SLC22A7: variants seen among roughly 807,000 people sequenced by gnomAD.
The protein encoded by SLC22A7 is hOAT2.
In SLC22A7, 48 loss-of-function variants were observed where a neutral mutation model predicts 62.2. The ratio of observed to expected loss-of-function variants is 0.77; its 90% CI spans 0.61 to 0.98. SLC22A7 has a LOEUF of 0.98. SLC22A7 is among the 50% of genes least tolerant of loss of function. The pLI, the probability that SLC22A7 is intolerant of heterozygous loss-of-function variation, is 0.00. For synonymous variants in SLC22A7, 276 were observed against 314.8 expected (o/e 0.88, Z 1.30); for missense variants, 581 against 703.8 (o/e 0.83, Z 1.97).
Position 43,302,630 on chromosome 6 carries a change from A to G in SLC22A7, c.1277-25A>G. Reference sequence around the variant, plus strand: ...CCTGGCTCTCCTCCAAGGCCCTCTCACTACCTGAACCCGCTTCCCTCCAGA... The same window carrying G: ...CCTGGCTCTCCTCCAAGGCCCTCTCGCTACCTGAACCCGCTTCCCTCCAGA... On this transcript the variant is annotated intron_variant, in intron 8 of 10. Coordinates refer to ENST00000372585, the MANE Select transcript of SLC22A7 (RefSeq NM_153320.2). This position sits in a 1 kb window ranked among gnomAD's most constrained non-coding sequence, Gnocchi z 5.0. 6.5e-7 allele frequency: 1 copy of G among 1,547,900 alleles called. No individual in the cohort carries two copies. Among genetic ancestry groups the G allele is most frequent in the Non-Finnish European group, 8.8e-7 (1 of 1,131,242 alleles).
rs1347202040 is a variant in SLC22A7, at chr6:43,299,807, A to AC, written c.658+28dup. ...GTGAGGCAGGCAAGAAACAGGCAGG[A>AC]CCTAGAGGGCTGGAAGAAGGCAGTT... On this transcript the variant is annotated intron_variant, in intron 4 of 10. Coordinates refer to ENST00000372585, the MANE Select transcript of SLC22A7 (RefSeq NM_153320.2). This position sits in a 1 kb window ranked among gnomAD's most constrained non-coding sequence, Gnocchi z 4.4. The AC allele has an allele frequency of 1.2e-6, 2 of 1,614,156 alleles. No homozygotes were observed. The highest frequency in any genetic ancestry group is 1.7e-6 in the Non-Finnish European group (2 of 1,180,020).
chr6:43,301,038 G>A (rs1381183850), intron 5 of SLC22A7, 97 bp from the exon 6 acceptor site: 27 of 1,503,802 alleles, frequency 1.8e-5, no homozygotes, highest in Non-Finnish European at 2.4e-5. Flanking sequence ...GGGACTACAT[G>A]AGCAAGAGCC....
At position 43,301,678 on chromosome 6, in the gene SLC22A7, C is replaced by A; in HGVS notation, c.1047C>A (p.Cys349Ter). ...CACGGCTCCGACACATCTCACTGTGCTGCGTGGTGGTGTGGTGAGGAGGCT... is the reference window on the plus strand; with the variant it reads ...CACGGCTCCGACACATCTCACTGTGATGCGTGGTGGTGTGGTGAGGAGGCT... ...RTPRLRHISL[C>*]CVVVWFGVNF... The change falls in exon 7 of 11, where the codon TGC becomes TGA. Residue 349 changes from cysteine (C) to a stop codon, truncating the protein, a stop_gained. Transcript: ENST00000372585. LOFTEE classifies it high-confidence loss of function. 6.2e-7 allele frequency: 1 copy of A among 1,611,750 alleles called. No individual in the cohort carries two copies. The highest frequency in any genetic ancestry group is 8.5e-7 in the Non-Finnish European group (1 of 1,178,414).
chr6:43,302,595 C>G lies in SLC22A7; in HGVS notation c.1277-60C>G. The G allele has an allele frequency of 7.4e-7, 1 of 1,359,338 alleles. No individual in the cohort carries two copies. The allele number at this position is 1,359,338 out of a possible 1,614,324, so 84.2% of individuals were successfully genotyped here. A position where few individuals can be genotyped will look rare whatever the true frequency, so the allele number is the denominator to read the frequency against. ...CCACTCTGGAGACTCCGCACCCTATCCAGAACACCCCTGGCTCTCCTCCAA... is the reference window on the plus strand; with the variant it reads ...CCACTCTGGAGACTCCGCACCCTATGCAGAACACCCCTGGCTCTCCTCCAA... On this transcript the variant is annotated intron_variant, in intron 8 of 10. Transcript: ENST00000372585. The surrounding 1 kb of genome is among the most constrained non-coding windows in gnomAD (Gnocchi z 5.0).
Position 43,298,671 on chromosome 6 carries a change from G to A in SLC22A7, c.313G>A (p.Glu105Lys). ...AGAAAGGCAGAGCCGTGGGGAGCTG[G>A]AGGATGAACCTGCCACAGTGCCCTG... is the stretch of plus-strand genomic sequence containing the variant. Reference protein sequence around the residue: ...GEERQSRGELEDEPATVPCSQ... With the variant: ...GEERQSRGELKDEPATVPCSQ... The change falls in exon 1 of 11, where the codon GAG becomes AAG. Residue 105 changes from glutamate (E) to lysine (K), a missense_variant. Glu to Lys is a moderately conservative substitution (Grantham distance 56). Coordinates refer to ENST00000372585, the MANE Select transcript of SLC22A7 (RefSeq NM_153320.2). 1.9e-6 allele frequency: 3 copies of A among 1,563,224 alleles called. No individual in the cohort carries two copies. Among genetic ancestry groups the A allele is most frequent in the Non-Finnish European group, 1.7e-6 (2 of 1,152,694 alleles).
rs546616681 is a variant in SLC22A7 at position 43,300,579 on chromosome 6, T to C, written c.827+513T>C. Among the ~76,000 whole-genome samples, 97 of 152,250 alleles carry C rather than the reference T, an allele frequency of 6.4e-4. 3 individuals are homozygous for C. In the South Asian group the frequency reaches 0.02, roughly 31 times the overall value. On this transcript the variant is annotated intron_variant, in intron 5 of 10. Transcript: ENST00000372585. ...AGGACAATTCAGTTGAATAAGGGACTCCCAGGCTATGGAGGACCTGGGCCT... is the reference window on the plus strand; with the variant it reads ...AGGACAATTCAGTTGAATAAGGGACCCCCAGGCTATGGAGGACCTGGGCCT...
At chr6:43,304,475 C>T (rs1276767806) in intron 10 of SLC22A7, 196 bp from the exon 11 acceptor site, 65 of 592,832 alleles carry the variant, frequency 1.1e-4, no homozygotes, top group Non-Finnish European at 3.0e-6. Flanking sequence ...TAAGGTTGTT[C>T]AGGAAGATGT....
chr6:43,304,126 T>C lies in SLC22A7; in HGVS notation c.1474T>C (p.Ser492Pro). 6.2e-7 allele frequency: 1 copy of C among 1,608,478 alleles called. No homozygotes were observed. Among genetic ancestry groups the C allele is most frequent in the Non-Finnish European group, 8.5e-7 (1 of 1,176,750 alleles). Residue 492 changes from serine to proline, a missense_variant, in exon 10 of 11, where the codon TCA becomes CCA. Ser to Pro is a moderately conservative substitution (Grantham distance 74, BLOSUM62 -1). Transcript: ENST00000372585. ...GGCCTTGCTGGATGGAGTGTGGCTG[T>C]CACTGCCCAAGCTTACTTATGGGGG... The part of the protein sequence containing the change: ...LAALLDGVWL[S>P]LPKLTYGGIA...
chr6:43,299,823 G>T lies in SLC22A7; in HGVS notation c.658+42G>T, dbSNP rs1443824898. The T allele has an allele frequency of 6.2e-7, 1 of 1,614,224 alleles. No individual in the cohort carries two copies. The highest frequency in any genetic ancestry group is 1.7e-5 in the Admixed American group (1 of 60,028). On this transcript the variant is annotated intron_variant, in intron 4 of 10. Transcript: ENST00000372585. This position sits in a 1 kb window ranked among gnomAD's most constrained non-coding sequence, Gnocchi z 4.4. The stretch of plus-strand genomic sequence containing the variant: ...ACAGGCAGGACCTAGAGGGCTGGAA[G>T]AAGGCAGTTGTCAGAGTGAGGCTGA...
In SLC22A7 at chr6:43,304,742, G is replaced by A. The variant is rs1298515521; in HGVS notation, c.*17G>A. ...CAGAACTAAGTGGGAGTGGAGGCAG[G>A]CCCTCCACAGAAGCTCTGCAGCAGG... On this transcript the variant is annotated 3_prime_UTR_variant, in exon 11 of 11. Transcript: ENST00000372585. 2.6e-6 allele frequency: 4 copies of A among 1,545,236 alleles called. No individual in the cohort carries two copies. In the African/African-American group the frequency reaches 4.1e-5, roughly 16 times the overall value.
In SLC22A7 at chr6:43,302,982, C is replaced by A; in HGVS notation, c.1385+219C>A. The A allele has an allele frequency of 2.6e-6, 1 of 389,654 alleles. No individual in the cohort carries two copies. Among genetic ancestry groups the A allele is most frequent in the African/African-American group, 2.2e-5 (1 of 45,672 alleles). The allele number at this position is 389,654 out of a possible 1,614,324, so 24.1% of individuals were successfully genotyped here. On this transcript the variant is annotated intron_variant, in intron 9 of 10. Transcript: ENST00000372585. The surrounding 1 kb of genome is among the most constrained non-coding windows in gnomAD (Gnocchi z 5.0). ...TCAGCCTCCAAAAGTGCTCGTATTA[C>A]AGGCACTATTACAGGCATGAGCCAC...
intron 1 of SLC22A7, 139 bp from the exon 2 acceptor site, chr6:43,298,952 AT>A: frequency 1.8e-6 from 2 of 1,134,580 alleles, no homozygotes; most frequent in Non-Finnish European, 2.5e-6. Flanking sequence ...TGTTATCATC[AT>A]CATTAATTGG....
In SLC22A7 at chr6:43,298,385, G is replaced by T. The variant is rs776393343; in HGVS notation, c.27G>T (p.Gln9His). 1 of 1,613,218 alleles carries T rather than the reference G, an allele frequency of 6.2e-7. No homozygotes were observed. Among genetic ancestry groups the T allele is most frequent in the South Asian group, 1.1e-5 (1 of 91,030 alleles). The part of the protein sequence containing the change: MGFEELLE[Q>H]VGGFGPFQLR... ...TGGGCTTTGAGGAGCTGCTGGAGCA[G>T]GTGGGCGGCTTTGGGCCCTTCCAAC... is the stretch of plus-strand genomic sequence containing the variant. Residue 9 changes from glutamine to histidine, a missense_variant, in exon 1 of 11, where the codon CAG becomes CAT. Physicochemically the swap from Gln to His is conservative, Grantham distance 24. Transcript: ENST00000372585.
intron 6 of SLC22A7, 31 bp downstream of exon 6, chr6:43,301,289 A>G (rs1325189859): frequency 2.5e-6 from 4 of 1,613,380 alleles, no homozygotes; most frequent in Non-Finnish European, 3.4e-6. Context: ...GAGCATGCAT[A>G]TATGTGTGTG....
At position 43,299,963 on chromosome 6, in the gene SLC22A7, G is replaced by A; in HGVS notation, c.724G>A (p.Gly242Arg). 1 of 1,614,190 alleles carries A rather than the reference G, an allele frequency of 6.2e-7. No homozygotes were observed. Among genetic ancestry groups the A allele is most frequent in the South Asian group, 1.1e-5 (1 of 91,084 alleles). The change falls in exon 5 of 11, where the codon GGG (glycine) becomes AGG (arginine). Residue 242 changes from glycine (G) to arginine (R), a missense_variant. Gly to Arg is a moderately radical substitution (Grantham distance 125). Transcript: ENST00000372585. The surrounding 1 kb of genome is among the most constrained non-coding windows in gnomAD (Gnocchi z 4.4). ...AGVLSSTFWT[G>R]GVMLLALVGY... is the part of the protein sequence containing the mutation. Reference sequence around the variant, plus strand: ...AGTCCTGAGCAGCACCTTCTGGACAGGGGGCGTGATGCTGCTGGCACTGGT... The same window carrying A: ...AGTCCTGAGCAGCACCTTCTGGACAAGGGGCGTGATGCTGCTGGCACTGGT...
At chr6:43,301,326 T>C in intron 6 of SLC22A7, 68 bp downstream of exon 6, 1 of 1,595,900 alleles carries the variant, frequency 6.3e-7, no homozygotes, top group Non-Finnish European at 8.6e-7. Flanking sequence ...GTCAAGTGCC[T>C]CCCTCCCAGA....
Position 43,301,630 on chromosome 6 carries a change from A to G in SLC22A7, c.999A>G (p.Ser333=), listed in dbSNP as rs1236981179. 6.2e-7 allele frequency: 1 copy of G among 1,614,132 alleles called. No homozygotes were observed. The highest frequency in any genetic ancestry group is 1.1e-5 in the South Asian group (1 of 91,082). The part of the protein sequence containing the change: ...AAGERVVRRP[S]YLDLFRTPRL... ...GGGAACGGGTGGTCCGAAGACCTTC[A>G]TACCTAGACCTGTTCCGCACACCAC... Residue 333 remains serine, a synonymous_variant, in exon 7 of 11, where the codon TCA becomes TCG. Coordinates refer to ENST00000372585, the MANE Select transcript of SLC22A7 (RefSeq NM_153320.2).
intron 7 of SLC22A7, 80 bp downstream of exon 7, chr6:43,301,772 G>C: frequency 1.0e-6 from 1 of 976,684 alleles, no homozygotes; most frequent in East Asian, 2.6e-5. Flanking sequence ...GTGTGAGAAG[G>C]GCTCTGAGGG....
At position 43,305,537 on chromosome 6, in the gene SLC22A7, TA is replaced by T. The variant is rs1350219076; in HGVS notation, c.*813del. 1.2e-5 allele frequency: 6 copies of T among 508,892 alleles called. No individual in the cohort carries two copies. The highest frequency in any genetic ancestry group is 3.5e-5 in the Admixed American group (1 of 28,886). 31.5% of individuals were successfully genotyped at this position (508,892 alleles called of 1,614,324 possible). On this transcript the variant is annotated 3_prime_UTR_variant, in exon 11 of 11. Transcript: ENST00000372585. ...ATTCAATAAACACAAGTTTTATGAG[TA>T]CCTTGAAGCTCCAGAATGTGCTGGG...
Sources: gnomAD v4.1 joint callset for allele counts (sites outside exome capture counted in the v4.1 genomes callset) on GRCh38, gnomAD v4.1.1 for gene constraint, Gnocchi (gnomAD v3.1) non-coding constraint, MANE v1.5 for transcripts, NCBI Gene and HGNC (gene_info 2026-07-23, HGNC 2026-07-21) for gene names.